The following S100Z variants were observed in gnomAD, a reference collection of about 807,000 sequenced individuals.
The protein encoded by S100Z is protein S100-Z.
A neutral mutation model predicts 8.5 loss-of-function variants in S100Z; 11 were observed. The observed-to-expected ratio is 1.30, with a 90% CI of 0.82 to 2.15. The LOEUF (loss-of-function observed/expected upper bound fraction) is 2.15, where lower values mean the gene tolerates loss of function less well. S100Z is among the 30% of genes most tolerant of loss of function. The probability of loss-of-function intolerance (pLI) is 0.00; values close to 1 mark genes in which losing one functional copy is unlikely to be tolerated. For synonymous variants in S100Z, 34 were observed against 43.8 expected, an observed-to-expected ratio of 0.78 and a Z score of 0.89; for missense variants, 126 against 117.9, an observed-to-expected ratio of 1.07 and a Z score of -0.32.
chr5:76,909,143 A>G (rs886536227), intron 4 of S100Z, among the ~76,000 whole-genome samples: 19 of 152,114 alleles, frequency 1.2e-4, no homozygotes, highest in Non-Finnish European at 2.1e-4. Context: ...AGCTATTCCA[A>G]TCAGCAGGCT....
intron 4 of S100Z, among the ~76,000 whole-genome samples, chr5:76,906,323 G>A (rs1279816164): frequency 6.6e-6 from 1 of 152,110 alleles, no homozygotes; most frequent in African/African-American, 2.4e-5. Context: ...TTTCAAGTAT[G>A]TAATACATTA....
chr5:76,892,017 G>A, intron 4 of S100Z, among the ~76,000 whole-genome samples: 1 of 152,276 alleles, frequency 6.6e-6, no homozygotes, highest in East Asian at 1.9e-4. Context: ...GAATGATTCA[G>A]AATGAAGGAG....
chr5:76,947,294 C>T, the S100Z span, among the ~76,000 whole-genome samples: 1 of 152,100 alleles, frequency 6.6e-6, no homozygotes, highest in African/African-American at 2.4e-5. Flanking sequence ...ACTTGCAACC[C>T]TGAAAAGTCT....
the S100Z span, among the ~76,000 whole-genome samples, chr5:76,937,033 A>G: frequency 1.3e-5 from 2 of 152,204 alleles, no homozygotes; most frequent in Non-Finnish European, 2.9e-5. Flanking sequence ...AACAGAAAGA[A>G]TAAGTGATCT....
chr5:76,946,646 T>C, the S100Z span, among the ~76,000 whole-genome samples: 1 of 152,180 alleles, frequency 6.6e-6, no homozygotes, highest in Non-Finnish European at 1.5e-5. Context: ...ATCCTATGCA[T>C]GCACTCATAT....
the S100Z span, among the ~76,000 whole-genome samples, chr5:76,944,202 C>T: frequency 6.6e-6 from 1 of 152,140 alleles, no homozygotes; most frequent in Non-Finnish European, 1.5e-5. Context: ...ACCATTGAAC[C>T]CTCATTGCCT....
chr5:76,863,664 A>T (rs111957955), intron 1 of S100Z, among the ~76,000 whole-genome samples: 1 of 151,498 alleles, frequency 6.6e-6, no homozygotes, highest in Non-Finnish European at 1.5e-5. Flanking sequence ...TCAGCCTCCC[A>T]AGTAGCTGGG....
intron 4 of S100Z, among the ~76,000 whole-genome samples, chr5:76,898,651 A>G (rs908733901): frequency 2.0e-5 from 3 of 152,182 alleles, no homozygotes; most frequent in African/African-American, 7.2e-5. Flanking sequence ...AATACATATC[A>G]TTTAGTCATG....
the S100Z span, among the ~76,000 whole-genome samples, chr5:76,930,127 C>A: frequency 6.6e-6 from 1 of 152,186 alleles, no homozygotes; most frequent in Non-Finnish European, 1.5e-5. Context: ...ATCTTTAAAT[C>A]TTTAAAACAA....
intron 4 of S100Z, among the ~76,000 whole-genome samples, chr5:76,888,197 C>T (rs549348910): frequency 6.7e-6 from 1 of 149,684 alleles, no homozygotes; most frequent in East Asian, 2.0e-4. Context: ...GCAGAGGTTG[C>T]AGTGAGCCAA....
chr5:76,901,040 A>C (rs946842800), intron 4 of S100Z, among the ~76,000 whole-genome samples: 1 of 151,948 alleles, frequency 6.6e-6, no homozygotes, highest in Non-Finnish European at 1.5e-5. Context: ...CCAGACAGAG[A>C]CTCTAGTTCT....
the S100Z span, among the ~76,000 whole-genome samples, chr5:76,942,102 T>C: frequency 6.6e-6 from 1 of 151,886 alleles, no homozygotes; most frequent in African/African-American, 2.4e-5. Flanking sequence ...ACCTACCATA[T>C]AAATATTATT....
intron 4 of S100Z, among the ~76,000 whole-genome samples, chr5:76,904,206 C>G (rs748800672): frequency 1.3e-5 from 2 of 151,896 alleles, no homozygotes; most frequent in Admixed American, 6.6e-5. Flanking sequence ...CCCCACTTTT[C>G]TTTTTGAGAC....
the S100Z span, among the ~76,000 whole-genome samples, chr5:76,952,400 C>A: frequency 1.1e-3 from 173 of 152,338 alleles, no homozygotes; most frequent in African/African-American, 3.7e-3. Context: ...CCAGAAGTCC[C>A]CTGACACCAG....
chr5:76,903,635 A>T (rs1744312586), intron 4 of S100Z, among the ~76,000 whole-genome samples: 1 of 152,094 alleles, frequency 6.6e-6, no homozygotes, highest in Non-Finnish European at 1.5e-5. Context: ...GTAAAGTGTT[A>T]TCTCATTGTA....
At chr5:76,942,442 A>AAAAAAAAAAG in the S100Z span, among the ~76,000 whole-genome samples, 3 of 151,748 alleles carry the variant, frequency 2.0e-5, no homozygotes, top group African/African-American at 7.3e-5. Context: ...CCAAAAAAAA[A>AAAAAAAAAAG]AGCAAAAACC....
intron 3 of S100Z, among the ~76,000 whole-genome samples, chr5:76,877,211 G>GGTTC (rs1408554864): frequency 2.0e-5 from 3 of 152,150 alleles, no homozygotes; most frequent in Non-Finnish European, 4.4e-5. Flanking sequence ...GTGTGATGAA[G>GGTTC]TATCCCTGAA....
chr5:76,867,968 A>G (rs1221277338), intron 1 of S100Z, among the ~76,000 whole-genome samples: 1 of 152,222 alleles, frequency 6.6e-6, no homozygotes, highest in East Asian at 1.9e-4. Context: ...CCTAAGGGCT[A>G]TGACTCATAC....
intron 4 of S100Z, among the ~76,000 whole-genome samples, chr5:76,899,208 C>G (rs892915334): frequency 6.6e-6 from 1 of 152,116 alleles, no homozygotes; most frequent in Non-Finnish European, 1.5e-5. Context: ...TGCGGGATTA[C>G]AGGTGTGAGC....
Sources: allele counts gnomAD v4.1 joint callset (sites outside exome capture counted in the v4.1 genomes callset), GRCh38; gene constraint gnomAD v4.1.1; transcripts MANE v1.5; gene names NCBI Gene and HGNC (gene_info 2026-07-23, HGNC 2026-07-21).